Variants in MARCHF11 observed in about 807,000 individuals in gnomAD.
MARCHF11 encodes the protein E3 ubiquitin-protein ligase MARCHF11.
A neutral mutation model predicts 37.3 loss-of-function variants in MARCHF11; 29 were observed. The observed-to-expected ratio is 0.78, with a 90% CI of 0.58 to 1.06. The LOEUF is 1.06. Ranked by LOEUF, MARCHF11 falls within the 50% of genes least tolerant of loss-of-function variation. The probability of loss-of-function intolerance (pLI) is 0.00; values close to 1 mark genes in which losing one functional copy is unlikely to be tolerated. For missense variants in MARCHF11, 482 were observed against 533.4 expected (o/e 0.90, Z 0.95); for synonymous variants, 233 against 228.0 (o/e 1.02, Z -0.20).
At chr5:16,092,459 T>C (rs1314269922) in intron 2 of MARCHF11, among the ~76,000 whole-genome samples, 1 of 152,226 alleles carries the variant, frequency 6.6e-6, no homozygotes, top group African/African-American at 2.4e-5. Context: ...AAGATTAATT[T>C]AGTGAGAAAT....
chr5:16,123,398 C>A (rs1737345143), intron 2 of MARCHF11, among the ~76,000 whole-genome samples: 1 of 152,106 alleles, frequency 6.6e-6, no homozygotes, highest in African/African-American at 2.4e-5. Flanking sequence ...CCTGAACAGA[C>A]CTTCATAGCC....
chr5:16,179,016 C>T (rs342550), intron 1 of MARCHF11, 23 bp downstream of exon 1: 998,354 of 1,420,004 alleles, frequency 0.7, 355,584 homozygotes, highest in East Asian at 0.87. Context: ...CACCGGCTGC[C>T]TCGGGGTCTC....
chr5:16,163,184 G>A (rs1738113646), intron 2 of MARCHF11, among the ~76,000 whole-genome samples: 1 of 23,270 alleles, frequency 4.3e-5, no homozygotes, highest in Non-Finnish European at 3.2e-4. Context: ...GACTATGAAT[G>A]GCAATAAGAA....
At chr5:16,072,837 C>T (rs1320582306) in intron 3 of MARCHF11, among the ~76,000 whole-genome samples, 1 of 152,012 alleles carries the variant, frequency 6.6e-6, no homozygotes, top group Admixed American at 6.6e-5. Context: ...TAAGCCTTGC[C>T]AACCCTTTTC....
chr5:16,154,525 T>C (rs2126600179), intron 2 of MARCHF11, among the ~76,000 whole-genome samples: 1 of 152,082 alleles, frequency 6.6e-6, no homozygotes, highest in East Asian at 1.9e-4. Context: ...TGTGATGATC[T>C]GTTCATGTCT....
chr5:16,158,635 G>A (rs1165753477), intron 2 of MARCHF11, among the ~76,000 whole-genome samples: 2 of 151,940 alleles, frequency 1.3e-5, no homozygotes, highest in Non-Finnish European at 2.9e-5. Context: ...TTAGACAGAA[G>A]AAATAAGCTC....
chr5:16,139,319 C>T (rs1294528109), intron 2 of MARCHF11, among the ~76,000 whole-genome samples: 2 of 152,156 alleles, frequency 1.3e-5, no homozygotes, highest in Admixed American at 6.5e-5. Context: ...CTCTTTATTG[C>T]TGGCCACCAT....
chr5:16,076,382 A>C (rs1219868636), intron 3 of MARCHF11, among the ~76,000 whole-genome samples: 1 of 152,242 alleles, frequency 6.6e-6, no homozygotes, highest in African/African-American at 2.4e-5. Flanking sequence ...CAAGAAAATA[A>C]AACCATGGAT....
At chr5:16,130,251 T>TACACACACACACACACAC (rs56978661) in intron 2 of MARCHF11, among the ~76,000 whole-genome samples, 1 of 144,296 alleles carries the variant, frequency 6.9e-6, no homozygotes. Flanking sequence ...TCCAGGTACA[T>TACACACACACACACACAC]ACACACACAC....
At chr5:16,132,860 A>G (rs1021247423) in intron 2 of MARCHF11, among the ~76,000 whole-genome samples, 2 of 152,224 alleles carry the variant, frequency 1.3e-5, no homozygotes, top group African/African-American at 4.8e-5. Flanking sequence ...AAGATAAATA[A>G]TTGCAAGAAA....
At chr5:16,108,869 A>G (rs1444225903) in intron 2 of MARCHF11, among the ~76,000 whole-genome samples, 1 of 152,068 alleles carries the variant, frequency 6.6e-6, no homozygotes, top group Non-Finnish European at 1.5e-5. Context: ...TGGAGACAAC[A>G]TTTGTAAAGT....
At chr5:16,131,770 G>A (rs1005448519) in intron 2 of MARCHF11, among the ~76,000 whole-genome samples, 8 of 152,334 alleles carry the variant, frequency 5.3e-5, no homozygotes, top group African/African-American at 1.9e-4. Flanking sequence ...TAAATGGAAA[G>A]ATCACTACTT....
At chr5:16,154,792 TATC>T (rs1282622348) in intron 2 of MARCHF11, among the ~76,000 whole-genome samples, 81 of 152,048 alleles carry the variant, frequency 5.3e-4, no homozygotes, top group African/African-American at 1.9e-3. Flanking sequence ...AATAACAACA[TATC>T]ATTTTTATGC....
intron 2 of MARCHF11, among the ~76,000 whole-genome samples, chr5:16,166,552 A>C (rs548869378): frequency 1.3e-5 from 2 of 152,086 alleles, no homozygotes; most frequent in African/African-American, 4.8e-5. Flanking sequence ...AAATGGTTAC[A>C]TACAGAAACA....
intron 3 of MARCHF11, among the ~76,000 whole-genome samples, chr5:16,080,907 G>A (rs773046007): frequency 3.3e-5 from 5 of 152,040 alleles, no homozygotes; most frequent in Non-Finnish European, 5.9e-5. Context: ...GGCTTCCTGA[G>A]CATTCAGTTT....
intron 2 of MARCHF11, among the ~76,000 whole-genome samples, chr5:16,092,162 A>G (rs1736799649): frequency 2.0e-5 from 3 of 152,156 alleles, no homozygotes; most frequent in Admixed American, 2.0e-4. Flanking sequence ...TGGCAAGTTT[A>G]TGACACTGAT....
intron 2 of MARCHF11, among the ~76,000 whole-genome samples, chr5:16,175,456 C>G (rs1738340393): frequency 6.6e-6 from 1 of 152,134 alleles, no homozygotes; most frequent in Non-Finnish European, 1.5e-5. Flanking sequence ...GCGGCTAAGA[C>G]AGTGGACCCT....
chr5:16,146,574 G>T (rs943665335), intron 2 of MARCHF11, among the ~76,000 whole-genome samples: 1 of 152,104 alleles, frequency 6.6e-6, no homozygotes, highest in Non-Finnish European at 1.5e-5. Flanking sequence ...CTATGACCTT[G>T]GGAGTTTGGA....
At chr5:16,105,133 C>T (rs924341065) in intron 2 of MARCHF11, among the ~76,000 whole-genome samples, 2 of 152,254 alleles carry the variant, frequency 1.3e-5, no homozygotes, top group African/African-American at 4.8e-5. Context: ...TGCTGCCCCA[C>T]CCATCTCCCA....
Sources: gnomAD v4.1 joint callset for allele counts (sites outside exome capture counted in the v4.1 genomes callset) on GRCh38, gnomAD v4.1.1 for gene constraint, MANE v1.5 for transcripts, NCBI Gene and HGNC (gene_info 2026-07-23, HGNC 2026-07-21) for gene names.